Variants in RBMS3 observed in about 807,000 individuals in gnomAD.
RBMS3 encodes RNA binding motif single stranded interacting protein 3.
Under a neutral mutation model 66.8 loss-of-function variants are expected in RBMS3, and 27 were observed. The ratio of observed to expected loss-of-function variants is 0.40; its 90% CI spans 0.30 to 0.56. RBMS3 has a LOEUF of 0.56. RBMS3 is among the 20% of genes least tolerant of loss of function. RBMS3 has a pLI of 0.40. For synonymous variants in RBMS3, 188 were observed against 183.0 expected, an observed-to-expected ratio of 1.03 and a Z score of -0.22; for missense variants, 513 against 549.5, an observed-to-expected ratio of 0.93 and a Z score of 0.66.
intron 4 of RBMS3, among the ~76,000 whole-genome samples, chr3:29,657,147 A>C (rs2149222121): frequency 6.6e-6 from 1 of 152,312 alleles, no homozygotes; most frequent in Non-Finnish European, 1.5e-5. Context: ...CTCTGCCCTA[A>C]GAAAGGGGAC....
At chr3:29,934,034 C>T (rs2061200621) in intron 10 of RBMS3, 1 of 152,068 alleles carries the variant, frequency 6.6e-6, no homozygotes, top group African/African-American at 2.4e-5. Flanking sequence ...AAAACACACC[C>T]CTGGGGAATG....
At chr3:29,291,711 C>T (rs573670137) in intron 1 of RBMS3, among the ~76,000 whole-genome samples, 18 of 151,862 alleles carry the variant, frequency 1.2e-4, no homozygotes, top group Admixed American at 6.6e-4. Flanking sequence ...CCAGTTCCCA[C>T]GGTTATTTAC....
intron 3 of RBMS3, among the ~76,000 whole-genome samples, chr3:29,521,362 T>C (rs867881033): frequency 6.6e-6 from 1 of 152,184 alleles, no homozygotes; most frequent in East Asian, 1.9e-4. Flanking sequence ...AAACTGAGTC[T>C]TTCCCATTTT....
chr3:29,967,725 G>A (rs774304135), intron 12 of RBMS3, among the ~76,000 whole-genome samples: 5 of 152,100 alleles, frequency 3.3e-5, no homozygotes, highest in South Asian at 2.1e-4. Context: ...AAATTTATCC[G>A]TCTTTTCTAG....
intron 9 of RBMS3, among the ~76,000 whole-genome samples, chr3:29,899,086 T>C (rs2060193752): frequency 6.6e-6 from 1 of 151,702 alleles, no homozygotes; most frequent in Non-Finnish European, 1.5e-5. Context: ...CTTTTTCATT[T>C]GTCTGACACA....
intron 1 of RBMS3, among the ~76,000 whole-genome samples, chr3:29,355,322 C>G (rs1004927695): frequency 1.3e-5 from 2 of 151,870 alleles, no homozygotes; most frequent in African/African-American, 4.8e-5. Flanking sequence ...GATAAAAAAC[C>G]TGTTTAATAA....
At chr3:29,760,252 A>AACACACACACACACACAT (rs2055613694) in intron 5 of RBMS3, among the ~76,000 whole-genome samples, 1 of 148,328 alleles carries the variant, frequency 6.7e-6, no homozygotes, top group Non-Finnish European at 1.5e-5. Flanking sequence ...ATGTAGAATA[A>AACACACACACACACACAT]ACACACACAC....
rs1183590261 is a variant in RBMS3 at position 29,362,732 on chromosome 3, A to C, written c.76-72011A>C. ...CATAGTTTACTTTTTAGATTGAGCCATATATGGTGTACTGCACAAGTGGAT... is the reference window on the plus strand; with the variant it reads ...CATAGTTTACTTTTTAGATTGAGCCCTATATGGTGTACTGCACAAGTGGAT... On this transcript the variant is annotated intron_variant, in intron 1 of 14. Coordinates refer to ENST00000383767, the MANE Select transcript of RBMS3 (RefSeq NM_001003793.3). Among the ~76,000 whole-genome samples the C allele has an allele frequency of 7.2e-5, 11 of 152,214 alleles. No individual in the cohort carries two copies. The East Asian group carries it at 1.9e-3, about 27-fold the overall frequency.
At chr3:29,711,843 A>G (rs2053183824) in intron 4 of RBMS3, among the ~76,000 whole-genome samples, 1 of 152,190 alleles carries the variant, frequency 6.6e-6, no homozygotes, top group East Asian at 1.9e-4. Flanking sequence ...AGAAAAGGAA[A>G]ATAATAAAGC....
chr3:29,810,578 G>A (rs1032632099), intron 6 of RBMS3, among the ~76,000 whole-genome samples: 2 of 152,142 alleles, frequency 1.3e-5, no homozygotes, highest in African/African-American at 4.8e-5. Flanking sequence ...CAAATGAAAA[G>A]GAAAATGCCA....
chr3:29,833,291 T>C (rs2058421028), intron 6 of RBMS3, among the ~76,000 whole-genome samples: 1 of 151,792 alleles, frequency 6.6e-6, no homozygotes, highest in South Asian at 2.1e-4. Flanking sequence ...ATCAAAGGAG[T>C]ACAATAATAT....
intron 2 of RBMS3, among the ~76,000 whole-genome samples, chr3:29,471,390 T>C (rs1457312188): frequency 1.3e-5 from 2 of 152,220 alleles, no homozygotes; most frequent in Non-Finnish European, 2.9e-5. Context: ...ATTATGTTCC[T>C]GTGGCATGTG....
chr3:29,564,567 T>C (rs746430746), intron 3 of RBMS3, among the ~76,000 whole-genome samples: 2 of 151,874 alleles, frequency 1.3e-5, no homozygotes, highest in Non-Finnish European at 2.9e-5. Context: ...AATAAAGTTA[T>C]AGGACTTAAA....
chr3:29,654,763 C>G (rs62234905), intron 4 of RBMS3, among the ~76,000 whole-genome samples: 1 of 147,018 alleles, frequency 6.8e-6, no homozygotes, highest in Non-Finnish European at 1.5e-5. Flanking sequence ...TTAATTTTTG[C>G]GTTTTTTTTT....
intron 1 of RBMS3, among the ~76,000 whole-genome samples, chr3:29,386,841 C>T (rs976939386): frequency 9.2e-5 from 14 of 152,182 alleles, no homozygotes; most frequent in African/African-American, 2.2e-4. Context: ...CTCCACTACT[C>T]GAGCAAAATG....
intron 3 of RBMS3, among the ~76,000 whole-genome samples, chr3:29,548,422 T>A (rs1365293614): frequency 6.7e-6 from 1 of 149,004 alleles, no homozygotes; most frequent in Non-Finnish European, 1.5e-5. Flanking sequence ...AGAGTGAGAC[T>A]CTGTCTCTTA....
chr3:29,615,922 G>A (rs1338755670), intron 4 of RBMS3: 4 of 152,144 alleles, frequency 2.6e-5, no homozygotes. Context: ...TTCAAAATGA[G>A]GAATAGAAGT....
intron 1 of RBMS3, among the ~76,000 whole-genome samples, chr3:29,392,619 T>C (rs370399632): frequency 2.6e-5 from 4 of 152,222 alleles, no homozygotes; most frequent in African/African-American, 9.6e-5. Flanking sequence ...GCTTAGTAGA[T>C]AATATTTTTC....
chr3:29,920,755 C>A (rs529189948), intron 10 of RBMS3, among the ~76,000 whole-genome samples: 1 of 151,088 alleles, frequency 6.6e-6, no homozygotes, highest in South Asian at 2.1e-4. Context: ...GCAGGCAGAT[C>A]TCGAGGTCAG....
Sources: gnomAD v4.1 joint callset for allele counts (sites outside exome capture counted in the v4.1 genomes callset) on GRCh38, gnomAD v4.1.1 for gene constraint, MANE v1.5 for transcripts, NCBI Gene and HGNC (gene_info 2026-07-23, HGNC 2026-07-21) for gene names.